The following DENND1B variants were observed in gnomAD, a reference collection of about 807,000 sequenced individuals.
DENND1B encodes DENN domain-containing protein 1B.
DENND1B carries 59 observed loss-of-function variants against 90.1 expected under a neutral mutation model. The observed-to-expected ratio is 0.65, with a 90% CI of 0.53 to 0.81. The LOEUF is 0.81. Ranked by LOEUF, DENND1B falls within the 40% of genes least tolerant of loss-of-function variation. DENND1B has a pLI of 0.00. For missense variants in DENND1B, 862 were observed against 912.6 expected (o/e 0.94, Z 0.71); for synonymous variants, 337 against 324.6 (o/e 1.04, Z -0.41).
chr1:197,529,238 A>ATGTGTG (rs1558205798), intron 20 of DENND1B, among the ~76,000 whole-genome samples: 2 of 8,878 alleles, frequency 2.3e-4, no homozygotes, highest in African/African-American at 4.8e-4. Context: ...ATATATATAT[A>ATGTGTG]TATATGTGTG....
intron 10 of DENND1B, 64 bp downstream of exon 10, chr1:197,642,647 G>A: frequency 1.7e-6 from 2 of 1,173,032 alleles, no homozygotes; most frequent in South Asian, 1.4e-5. Flanking sequence ...AATCTGCAAA[G>A]GTTTTTAGGT....
At position 197,680,973 on chromosome 1, in the gene DENND1B, A is replaced by T. The variant is rs552199764; in HGVS notation, c.127-6804T>A. Among the ~76,000 whole-genome samples the T allele has an allele frequency of 2.6e-5, 4 of 152,266 alleles. No individual in the cohort carries two copies. In the South Asian group the frequency reaches 8.3e-4, roughly 32 times the overall value. ...AATATCAAGCACATTAACCACCCCC[A>T]ACAACTGTTAGCTCTTTTATTAGTC... On this transcript the variant is annotated intron_variant, in intron 3 of 22. Transcript: ENST00000620048.
chr1:197,572,777 G>A (rs536446303), intron 15 of DENND1B, among the ~76,000 whole-genome samples: 1 of 152,152 alleles, frequency 6.6e-6, no homozygotes, highest in Non-Finnish European at 1.5e-5. Context: ...AGGCAAACAG[G>A]CTCTGGAGTA....
chr1:197,671,477 T>C (rs570003038), intron 5 of DENND1B, among the ~76,000 whole-genome samples: 1 of 152,308 alleles, frequency 6.6e-6, no homozygotes, highest in East Asian at 1.9e-4. Flanking sequence ...TTCCAGCTTA[T>C]TGTTGCCATG....
chr1:197,686,717 G>A (rs1459076192), intron 3 of DENND1B, among the ~76,000 whole-genome samples: 1 of 151,004 alleles, frequency 6.6e-6, no homozygotes, highest in Non-Finnish European at 1.5e-5. Flanking sequence ...CTAGATATCT[G>A]TCTCTTTTTT....
intron 18 of DENND1B, among the ~76,000 whole-genome samples, chr1:197,541,497 G>GT (rs1455521122): frequency 2.0e-5 from 3 of 152,158 alleles, no homozygotes; most frequent in Non-Finnish European, 4.4e-5. Flanking sequence ...TTCATATATA[G>GT]TTTTTCTGGT....
At chr1:197,612,534 C>T (rs1677275602) in intron 11 of DENND1B, among the ~76,000 whole-genome samples, 1 of 150,572 alleles carries the variant, frequency 6.6e-6, no homozygotes, top group Non-Finnish European at 1.5e-5. Context: ...ACTGGATGTA[C>T]AAAAGGAAAC....
intron 18 of DENND1B, 47 bp from the exon 19 acceptor site, chr1:197,541,062 C>T (rs1670302269): frequency 1.3e-6 from 2 of 1,514,876 alleles, no homozygotes; most frequent in Non-Finnish European, 1.8e-6. Context: ...GTTCCATTAC[C>T]ATTTAAAGAA....
At chr1:197,642,864 G>T in intron 9 of DENND1B, 43 bp from the exon 10 acceptor site, 1 of 1,393,172 alleles carries the variant, frequency 7.2e-7, no homozygotes, top group South Asian at 1.2e-5. Context: ...AGCTCATAGT[G>T]AATGTGAAGA....
intron 21 of DENND1B, 52 bp downstream of exon 21, chr1:197,512,819 C>T: frequency 6.5e-7 from 1 of 1,548,058 alleles, no homozygotes; most frequent in Non-Finnish European, 8.9e-7. Flanking sequence ...TCACCAAAAA[C>T]TTCTGCTGTT....
intron 10 of DENND1B, among the ~76,000 whole-genome samples, chr1:197,626,513 A>T (rs1678743693): frequency 6.6e-6 from 1 of 152,206 alleles, no homozygotes; most frequent in African/African-American, 2.4e-5. Flanking sequence ...AATCTCTGGG[A>T]CACATTCAAA....
intron 16 of DENND1B, among the ~76,000 whole-genome samples, chr1:197,551,903 T>C (rs182869643): frequency 9.9e-4 from 150 of 152,258 alleles, no homozygotes; most frequent in African/African-American, 3.4e-3. Flanking sequence ...CAGCTTACTT[T>C]CTGAGTCAAG....
intron 15 of DENND1B, among the ~76,000 whole-genome samples, chr1:197,571,820 A>G (rs1241993943): frequency 1.3e-5 from 2 of 152,230 alleles, no homozygotes; most frequent in Non-Finnish European, 2.9e-5. Context: ...GTACAGACTT[A>G]GTGACAGGGA....
chr1:197,556,615 T>C (rs1195977525), intron 15 of DENND1B, among the ~76,000 whole-genome samples: 4 of 151,968 alleles, frequency 2.6e-5, no homozygotes, highest in Non-Finnish European at 5.9e-5. Flanking sequence ...TAAATTAACA[T>C]GGAGTGTGGA....
chr1:197,775,289 G>C lies in DENND1B; in HGVS notation c.-134C>G. ...ACAGGGAAAGAGGCTGCTCACAGCA[G>C]CCGTGGCGGCGGGCCCATGTCGGCT... On this transcript the variant is annotated 5_prime_UTR_variant, in exon 1 of 23. Coordinates refer to ENST00000620048, the MANE Select transcript of DENND1B (RefSeq NM_001195215.2). 1.5e-6 allele frequency: 1 copy of C among 667,894 alleles called. No homozygotes were observed. The highest frequency in any genetic ancestry group is 2.1e-6 in the Non-Finnish European group (1 of 474,678). The allele number at this position is 667,894 out of a possible 1,614,324, so 41.4% of individuals were successfully genotyped here.
At chr1:197,516,293 T>C (rs1478126174) in intron 20 of DENND1B, among the ~76,000 whole-genome samples, 2 of 151,832 alleles carry the variant, frequency 1.3e-5, no homozygotes, top group Non-Finnish European at 2.9e-5. Flanking sequence ...TTCTAATTAA[T>C]AGTCATTGAA....
At chr1:197,546,106 C>A in intron 17 of DENND1B, 116 bp from the exon 18 acceptor site, 1 of 693,182 alleles carries the variant, frequency 1.4e-6, no homozygotes, top group Non-Finnish European at 2.2e-6. Context: ...AACTTAAAGA[C>A]CTATACAAAT....
At chr1:197,636,091 T>G (rs2125906909) in intron 10 of DENND1B, among the ~76,000 whole-genome samples, 1 of 152,196 alleles carries the variant, frequency 6.6e-6, no homozygotes, top group African/African-American at 2.4e-5. Flanking sequence ...AGATAATGGA[T>G]AGTTTTTTAC....
At chr1:197,745,631 TA>T (rs1663658350) in intron 2 of DENND1B, among the ~76,000 whole-genome samples, 3 of 146,794 alleles carry the variant, frequency 2.0e-5, no homozygotes, top group African/African-American at 7.4e-5. Flanking sequence ...TATATATATA[TA>T]TATATATAAT....
Sources: allele counts gnomAD v4.1 joint callset (sites outside exome capture counted in the v4.1 genomes callset), GRCh38; gene constraint gnomAD v4.1.1; transcripts MANE v1.5; gene names NCBI Gene and HGNC (gene_info 2026-07-23, HGNC 2026-07-21).